RGS6: variants seen among roughly 807,000 people sequenced by gnomAD.
The protein encoded by RGS6 is regulator of G-protein signaling 6.
A neutral mutation model predicts 78.5 loss-of-function variants in RGS6; 30 were observed. That is an observed-to-expected ratio of 0.38 (90% CI 0.29 to 0.52). The LOEUF is 0.52. Among genes scored for constraint, RGS6 ranks in the 20% least tolerant of loss-of-function variants. The pLI is 0.85. For missense variants in RGS6, 495 were observed against 609.7 expected (o/e 0.81, Z 1.98); for synonymous variants, 206 against 206.0 (o/e 1.00, Z 0.00).
At chr14:72,085,043 C>T (rs2094971870) in intron 2 of RGS6, among the ~76,000 whole-genome samples, 1 of 152,168 alleles carries the variant, frequency 6.6e-6, no homozygotes, top group South Asian at 2.1e-4. Flanking sequence ...TCTTCATCAT[C>T]AGCATGCACG....
At chr14:72,556,699 G>A (rs2097582278) in intron 17 of RGS6, among the ~76,000 whole-genome samples, 1 of 142,836 alleles carries the variant, frequency 7.0e-6, no homozygotes, top group African/African-American at 2.7e-5. Flanking sequence ...GCGGGGTGGG[G>A]GGTGCTGTTG....
intron 12 of RGS6, among the ~76,000 whole-genome samples, chr14:72,484,431 A>G (rs932958898): frequency 2.0e-5 from 3 of 152,054 alleles, no homozygotes; most frequent in Non-Finnish European, 2.9e-5. Context: ...CACCTGCTCC[A>G]TATATGTGTC....
chr14:72,028,843 A>G (rs1774801509), intron 2 of RGS6, among the ~76,000 whole-genome samples: 1 of 152,236 alleles, frequency 6.6e-6, no homozygotes, highest in Non-Finnish European at 1.5e-5. Flanking sequence ...ACTGCAAAGT[A>G]AAAAATGACA....
rs2071101078 is a variant in RGS6 at position 72,318,984 on chromosome 14, TCA to T, written c.85-33108_85-33107del. Among the ~76,000 whole-genome samples, 5 of 152,316 alleles carry T rather than the reference TCA, an allele frequency of 3.3e-5. No homozygotes were observed. In the South Asian group the frequency reaches 1.0e-3, roughly 32 times the overall value. ...GTAAATCAGGTAAATTTTTACCAAC[TCA>T]CAACATCCTGACTCCTATCCCACAA... is the stretch of plus-strand genomic sequence containing the variant. On this transcript the variant is annotated intron_variant, in intron 2 of 17. Coordinates refer to ENST00000553525, the MANE Select transcript of RGS6 (RefSeq NM_001204424.2).
intron 17 of RGS6, among the ~76,000 whole-genome samples, chr14:72,544,515 G>A (rs529580888): frequency 6.6e-6 from 1 of 152,328 alleles, no homozygotes; most frequent in African/African-American, 2.4e-5. Flanking sequence ...GGAGAAGGGA[G>A]AGGAGGACCA....
chr14:72,163,688 G>T (rs757321849), intron 2 of RGS6, among the ~76,000 whole-genome samples: 1 of 152,094 alleles, frequency 6.6e-6, no homozygotes, highest in South Asian at 2.1e-4. Flanking sequence ...TTCGAGACCA[G>T]CCTGGCCAAC....
the RGS6 span, among the ~76,000 whole-genome samples, chr14:72,609,188 C>T: frequency 6.6e-6 from 1 of 152,146 alleles, no homozygotes; most frequent in Non-Finnish European, 1.5e-5. Flanking sequence ...TGAGAACGTG[C>T]GAGCATTCCA....
chr14:72,180,702 A>C lies in RGS6; in HGVS notation c.85-171393A>C, dbSNP rs57962265. Among the ~76,000 whole-genome samples, 1,234 of 152,350 alleles carry C rather than the reference A, an allele frequency of 8.1e-3. 15 individuals carry two copies. Among genetic ancestry groups the C allele is most frequent in the African/African-American group, 0.027 (1,141 of 41,580 alleles). On this transcript the variant is annotated intron_variant, in intron 2 of 17. Coordinates refer to ENST00000553525, the MANE Select transcript of RGS6 (RefSeq NM_001204424.2). ...GTGTTAGGAGCTTGGTTGCCTTTGC[A>C]GTAGTGTTGAGACGTGGGGCCCTTG... is the stretch of plus-strand genomic sequence containing the variant.
intron 2 of RGS6, among the ~76,000 whole-genome samples, chr14:72,187,729 G>A (rs1450388969): frequency 2.0e-5 from 3 of 151,780 alleles, no homozygotes; most frequent in Admixed American, 6.6e-5. Flanking sequence ...TTCTTTTCCT[G>A]TCTTCAGAAT....
intron 13 of RGS6, among the ~76,000 whole-genome samples, chr14:72,509,773 G>A (rs901272781): frequency 6.6e-6 from 1 of 152,184 alleles, no homozygotes. Flanking sequence ...AGGATAGTGT[G>A]TTTTGATGAA....
chr14:72,170,982 A>G (rs1029638208), intron 2 of RGS6, among the ~76,000 whole-genome samples: 1 of 152,156 alleles, frequency 6.6e-6, no homozygotes, highest in Non-Finnish European at 1.5e-5. Flanking sequence ...TAAAACCTTC[A>G]CTAGAATTTC....
chr14:72,383,047 TTTA>T (rs202058521), intron 3 of RGS6, among the ~76,000 whole-genome samples: 6,888 of 151,682 alleles, frequency 0.045, 215 homozygotes, highest in Non-Finnish European at 0.067. Flanking sequence ...GGTGGGTACC[TTTA>T]TTATTTTAGA....
Position 71,995,497 on chromosome 14 carries a change from G to A in RGS6, c.84+30622G>A, listed in dbSNP as rs569646695. 5.3e-5 allele frequency among the ~76,000 whole-genome samples: 8 copies of A among 152,316 alleles called. No homozygotes were observed. In the South Asian group the frequency reaches 1.2e-3, roughly 24 times the overall value. ...CTCTGAGTCAAGCTGTCCGGTTTAT[G>A]TCCTGCTGTGTCGCTTACTGGCTGG... On this transcript the variant is annotated intron_variant, in intron 2 of 17. Transcript: ENST00000553525.
At chr14:72,596,828 C>G in the RGS6 span, among the ~76,000 whole-genome samples, 7 of 152,156 alleles carry the variant, frequency 4.6e-5, no homozygotes, top group Admixed American at 3.9e-4. Flanking sequence ...CTCAGAGAGG[C>G]TCAGGTGAGA....
chr14:72,203,312 G>A (rs2041997420), intron 2 of RGS6, among the ~76,000 whole-genome samples: 1 of 152,200 alleles, frequency 6.6e-6, no homozygotes, highest in South Asian at 2.1e-4. Context: ...TAAGACCTCA[G>A]ACTCTGGAGA....
intron 2 of RGS6, among the ~76,000 whole-genome samples, chr14:71,966,624 A>AT (rs1437847020): frequency 6.6e-6 from 1 of 152,114 alleles, no homozygotes; most frequent in Non-Finnish European, 1.5e-5. Flanking sequence ...ATGAGCCACA[A>AT]TTTTTTCATC....
chr14:72,145,215 G>A (rs898672628), intron 2 of RGS6, among the ~76,000 whole-genome samples: 1 of 152,120 alleles, frequency 6.6e-6, no homozygotes. Flanking sequence ...TGGAGCCAGA[G>A]GCTGCATGAC....
intron 2 of RGS6, among the ~76,000 whole-genome samples, chr14:71,988,680 T>C (rs2153172642): frequency 6.6e-6 from 1 of 152,306 alleles, no homozygotes; most frequent in South Asian, 2.1e-4. Flanking sequence ...GCTTCTGTTT[T>C]CGGAGATTTG....
intron 2 of RGS6, among the ~76,000 whole-genome samples, chr14:72,225,772 G>T (rs1370869952): frequency 1.3e-5 from 2 of 152,168 alleles, no homozygotes; most frequent in Non-Finnish European, 2.9e-5. Context: ...TATATTTAGT[G>T]TAATCAAATC....
Sources: gnomAD v4.1 joint callset for allele counts (sites outside exome capture counted in the v4.1 genomes callset) on GRCh38, gnomAD v4.1.1 for gene constraint, MANE v1.5 for transcripts, NCBI Gene and HGNC (gene_info 2026-07-23, HGNC 2026-07-21) for gene names.